DCLK2: variants seen among roughly 807,000 people sequenced by gnomAD.
The protein encoded by DCLK2 is doublecortin like kinase 2.
A neutral mutation model predicts 78.4 loss-of-function variants in DCLK2; 31 were observed. The observed-to-expected ratio is 0.40, with a 90% confidence interval of 0.30 to 0.53. The LOEUF is 0.53. DCLK2 is among the 20% of genes least tolerant of loss of function. The pLI is 0.61. For missense variants in DCLK2, 872 were observed against 973.7 expected, an observed-to-expected ratio of 0.90 and a Z score of 1.39; for synonymous variants, 407 against 374.9, an observed-to-expected ratio of 1.09 and a Z score of -0.99.
At chr4:150,234,782 G>A (rs1431889875) in intron 10 of DCLK2, among the ~76,000 whole-genome samples, 8 of 151,342 alleles carry the variant, frequency 5.3e-5, no homozygotes, top group Admixed American at 1.3e-4. Flanking sequence ...GATTGTGGAC[G>A]TGGTTTTATG....
intron 7 of DCLK2, among the ~76,000 whole-genome samples, chr4:150,224,254 C>T (rs548782004): frequency 5.9e-5 from 9 of 151,680 alleles, no homozygotes; most frequent in African/African-American, 2.2e-4. Flanking sequence ...TTTTTCCTTC[C>T]TGGGTCTGTG....
intron 10 of DCLK2, 66 bp from the exon 11 acceptor site, chr4:150,239,676 C>G: frequency 1.3e-6 from 2 of 1,580,732 alleles, no homozygotes; most frequent in Non-Finnish European, 1.7e-6. Flanking sequence ...TGCCTAATTC[C>G]AAGAGCCCTC....
At chr4:150,224,266 T>G (rs1741426400) in intron 7 of DCLK2, among the ~76,000 whole-genome samples, 1 of 151,982 alleles carries the variant, frequency 6.6e-6, no homozygotes, top group South Asian at 2.1e-4. Flanking sequence ...GGGTCTGTGC[T>G]GTAGAATACA....
chr4:150,122,299 G>A (rs62338175), intron 2 of DCLK2, among the ~76,000 whole-genome samples: 35,679 of 152,076 alleles, frequency 0.23, 4,574 homozygotes, highest in African/African-American at 0.34. Flanking sequence ...ATAAAGACAC[G>A]TGCACACCTA....
At chr4:150,155,309 C>T (rs1410754701) in intron 2 of DCLK2, among the ~76,000 whole-genome samples, 3 of 152,182 alleles carry the variant, frequency 2.0e-5, no homozygotes, top group African/African-American at 7.2e-5. Flanking sequence ...CCAGCATTAA[C>T]AACCTACAGA....
At chr4:150,144,270 A>G (rs1399512726) in intron 2 of DCLK2, among the ~76,000 whole-genome samples, 1 of 152,130 alleles carries the variant, frequency 6.6e-6, no homozygotes, top group Non-Finnish European at 1.5e-5. Context: ...ATGGTAAAAG[A>G]TAGGGGTCCA....
chr4:150,134,247 A>AT (rs1415216183), intron 2 of DCLK2, among the ~76,000 whole-genome samples: 9 of 151,628 alleles, frequency 5.9e-5, no homozygotes, highest in African/African-American at 2.2e-4. Context: ...CGCCCAGCTA[A>AT]TTTTTGTATT....
At chr4:150,156,912 C>T (rs559153716) in intron 2 of DCLK2, among the ~76,000 whole-genome samples, 4 of 151,508 alleles carry the variant, frequency 2.6e-5, no homozygotes, top group Admixed American at 6.6e-5. Context: ...CTGAGGCCAC[C>T]GATGTGCGCC....
At chr4:150,139,041 A>G (rs1223740191) in intron 2 of DCLK2, among the ~76,000 whole-genome samples, 2 of 152,062 alleles carry the variant, frequency 1.3e-5, no homozygotes, top group African/African-American at 4.8e-5. Context: ...ATACATTGAA[A>G]AATTTTTTTC....
At chr4:150,128,661 A>G (rs1405165647) in intron 2 of DCLK2, among the ~76,000 whole-genome samples, 1 of 152,192 alleles carries the variant, frequency 6.6e-6, no homozygotes, top group African/African-American at 2.4e-5. Context: ...TATGGGAAGT[A>G]GCTCCTAAAC....
At chr4:150,151,513 A>G (rs554046748) in intron 2 of DCLK2, among the ~76,000 whole-genome samples, 1 of 152,362 alleles carries the variant, frequency 6.6e-6, no homozygotes. Flanking sequence ...AAGTCCAGGA[A>G]AGTAGCATTT....
intron 2 of DCLK2, among the ~76,000 whole-genome samples, chr4:150,182,050 T>TA (rs1001113595): frequency 6.6e-6 from 1 of 151,932 alleles, no homozygotes; most frequent in African/African-American, 2.4e-5. Flanking sequence ...TTTTTTTAAT[T>TA]AAAAAAATTT....
At position 150,172,723 on chromosome 4, in the gene DCLK2, C is replaced by A. The variant is rs919249074; in HGVS notation, c.757-20415C>A. ...AACTTTCTCAAGGCTACTAAACATG[C>A]AGTTCTCCTCACTCTAGAGAGTGTT... On this transcript the variant is annotated intron_variant, in intron 2 of 15. Coordinates refer to ENST00000296550, the MANE Select transcript of DCLK2 (RefSeq NM_001040260.4). 1.7e-4 allele frequency among the ~76,000 whole-genome samples: 24 copies of A among 141,142 alleles called. No homozygotes were observed. In the East Asian group the frequency reaches 5.0e-3, roughly 29 times the overall value. 92.6% of individuals were successfully genotyped at this position (141,142 alleles called of 152,430 possible).
intron 15 of DCLK2, among the ~76,000 whole-genome samples, chr4:150,250,673 A>G (rs1743717579): frequency 6.6e-6 from 1 of 151,560 alleles, no homozygotes. Context: ...GGCCACCTCC[A>G]CAGCTCCGTC....
At position 150,223,642 on chromosome 4, in the gene DCLK2, G is replaced by C. The variant is rs186191028; in HGVS notation, c.1242-859G>C. On this transcript the variant is annotated intron_variant, in intron 7 of 15. Coordinates refer to ENST00000296550, the MANE Select transcript of DCLK2 (RefSeq NM_001040260.4). ...GCCTGTAATCCCAGCTCCTTGGGAG[G>C]CTGAGGCGACAGAATTGCTTGAACC... Among the ~76,000 whole-genome samples the C allele has an allele frequency of 6.5e-3, 993 of 152,216 alleles. 6 individuals carry two copies. The highest frequency in any genetic ancestry group is 0.012 in the Non-Finnish European group (793 of 68,010).
intron 1 of DCLK2, among the ~76,000 whole-genome samples, chr4:150,092,557 G>C (rs553742382): frequency 1.3e-5 from 2 of 152,032 alleles, no homozygotes; most frequent in South Asian, 4.2e-4. Context: ...TATTGATGTT[G>C]AGCATCTTTT....
At chr4:150,253,721 A>G in intron 15 of DCLK2, 1 of 985,358 alleles carries the variant, frequency 1.0e-6, no homozygotes, top group Non-Finnish European at 1.2e-6. Flanking sequence ...AGGCCCCTGG[A>G]AAACTTTATT....
rs1743584696 is a variant in DCLK2 at position 150,249,487 on chromosome 4, G to A, written c.1957-81G>A. The stretch of plus-strand genomic sequence containing the variant: ...AGAGGTCAGGAGGGTGGTTGAGGCG[G>A]GGAGGGGGACTCTTAAGGAAAAGAC... On this transcript the variant is annotated intron_variant, in intron 14 of 15. Coordinates refer to ENST00000296550, the MANE Select transcript of DCLK2 (RefSeq NM_001040260.4). 2.6e-6 allele frequency: 3 copies of A among 1,165,488 alleles called. No individual in the cohort carries two copies. In the Admixed American group the frequency reaches 5.1e-5, roughly 20 times the overall value. The allele number at this position is 1,165,488 out of a possible 1,614,324, so 72.2% of individuals were successfully genotyped here. A position where few individuals can be genotyped will look rare whatever the true frequency, so the allele number is the denominator to read the frequency against.
rs1406120495 is a variant in DCLK2 at position 150,256,294 on chromosome 4, G to A, written c.*47G>A. On this transcript the variant is annotated 3_prime_UTR_variant, in exon 16 of 16. Coordinates refer to ENST00000296550, the MANE Select transcript of DCLK2 (RefSeq NM_001040260.4). ...CCGCCTGCTGCAGCCCAGGAAGCCA[G>A]CCCTCTGCTCGGCCTCGCCGGCCTC... 1.6e-5 allele frequency: 23 copies of A among 1,458,516 alleles called. No homozygotes were observed. The highest frequency in any genetic ancestry group is 2.0e-5 in the Non-Finnish European group (22 of 1,108,890). 90.3% of individuals were successfully genotyped at this position (1,458,516 alleles called of 1,614,324 possible). A position where few individuals can be genotyped will look rare whatever the true frequency, so the allele number is the denominator to read the frequency against.
Sources: allele counts gnomAD v4.1 joint callset (sites outside exome capture counted in the v4.1 genomes callset), GRCh38; gene constraint gnomAD v4.1.1; transcripts MANE v1.5; gene names NCBI Gene and HGNC (gene_info 2026-07-23, HGNC 2026-07-21).